Variants in NUTF2 observed in about 807,000 individuals in gnomAD.
NUTF2 encodes the protein nuclear transport factor 2.
NUTF2 carries 3 observed loss-of-function variants against 18.5 expected under a neutral mutation model. That is an observed-to-expected ratio of 0.16 (90% CI 0.07 to 0.42). The LOEUF is 0.42. Among genes scored for constraint, NUTF2 ranks in the 10% least tolerant of loss-of-function variants. NUTF2 has a pLI of 0.99. For synonymous variants in NUTF2, 51 were observed against 57.9 expected (o/e 0.88, Z 0.54); for missense variants, 44 against 160.7 (o/e 0.27, Z 3.93).
At chr16:67,850,126 T>C (rs1485905501) in intron 1 of NUTF2, among the ~76,000 whole-genome samples, 2 of 151,948 alleles carry the variant, frequency 1.3e-5, no homozygotes, top group Non-Finnish European at 2.9e-5. Context: ...AAAGATACTT[T>C]TCCTTCTCCA....
chr16:67,856,886 C>T (rs530950459), intron 1 of NUTF2, among the ~76,000 whole-genome samples: 29 of 152,314 alleles, frequency 1.9e-4, no homozygotes, highest in Admixed American at 1.7e-3. Context: ...TCTTTCTTAA[C>T]CTCTTGGAGT....
chr16:67,856,931 T>A (rs2057902021), intron 1 of NUTF2, among the ~76,000 whole-genome samples: 1 of 152,246 alleles, frequency 6.6e-6, no homozygotes. Context: ...AAGATAATCA[T>A]ACCAGCTTCA....
chr16:67,863,235 C>T (rs376270296), intron 1 of NUTF2, among the ~76,000 whole-genome samples: 31 of 152,312 alleles, frequency 2.0e-4, no homozygotes, highest in African/African-American at 7.0e-4. Context: ...TGAACTAGGA[C>T]ACACCTTGTG....
At chr16:67,855,037 A>T (rs2057885817) in intron 1 of NUTF2, among the ~76,000 whole-genome samples, 2 of 150,438 alleles carry the variant, frequency 1.3e-5, no homozygotes, top group Non-Finnish European at 3.0e-5. Context: ...TAATGTTTTG[A>T]TAGGGCATTT....
chr16:67,870,673 TGGGATTTGA>T (rs2058005155), intron 4 of NUTF2, 118 bp from the exon 5 acceptor site: 1 of 752,940 alleles, frequency 1.3e-6, no homozygotes, highest in Non-Finnish European at 2.4e-6. Flanking sequence ...TTGGCTACAC[TGGGATTTGA>T]GTTCAGGACA....
chr16:67,858,340 G>A (rs1204209621), intron 1 of NUTF2, among the ~76,000 whole-genome samples: 1 of 151,934 alleles, frequency 6.6e-6, no homozygotes, highest in Non-Finnish European at 1.5e-5. Flanking sequence ...GCTAGTTTTT[G>A]TATTTTTAGT....
chr16:67,852,567 AG>A (rs1413487581), intron 1 of NUTF2, among the ~76,000 whole-genome samples: 1 of 152,186 alleles, frequency 6.6e-6, no homozygotes, highest in Admixed American at 6.6e-5. Context: ...CATGTTGGCC[AG>A]GCTGGTCTCA....
At position 67,850,208 on chromosome 16, in the gene NUTF2, C is replaced by CT. The variant is rs1257563525; in HGVS notation, c.-30+3237dup. Among the ~76,000 whole-genome samples, 1,417 of 144,244 alleles carry CT rather than the reference C, an allele frequency of 9.8e-3. 9 individuals carry two copies. Among genetic ancestry groups the CT allele is most frequent in the Middle Eastern group, 0.018 (5 of 280 alleles). 94.6% of individuals were successfully genotyped at this position (144,244 alleles called of 152,430 possible). A position where few individuals can be genotyped will look rare whatever the true frequency, so the allele number is the denominator to read the frequency against. ...AACCTCTAGAAGTTCCCTGTAACTTCTTTTTTTTTTTTTTGAGATGGAGTC... is the reference window on the plus strand; with the variant it reads ...AACCTCTAGAAGTTCCCTGTAACTTCTTTTTTTTTTTTTTTGAGATGGAGTC... On this transcript the variant is annotated intron_variant, in intron 1 of 4. Transcript: ENST00000219169.
intron 1 of NUTF2, among the ~76,000 whole-genome samples, chr16:67,864,514 A>G (rs2057956535): frequency 7.4e-6 from 1 of 135,406 alleles, no homozygotes; most frequent in South Asian, 2.2e-4. Context: ...TGTCTCAAAA[A>G]AAAAAAAAAA....
intron 1 of NUTF2, chr16:67,856,074 C>A (rs945533773): frequency 3.1e-6 from 2 of 641,830 alleles, no homozygotes; most frequent in East Asian, 2.7e-5. Flanking sequence ...CCAATCTGGA[C>A]GTCCCTGAAG....
At chr16:67,867,832 C>T (rs1250780010) in intron 2 of NUTF2, among the ~76,000 whole-genome samples, 2 of 152,174 alleles carry the variant, frequency 1.3e-5, no homozygotes, top group African/African-American at 2.4e-5. Context: ...GGATTACAGG[C>T]GTGCGCCACC....
At position 67,852,162 on chromosome 16, in the gene NUTF2, AT is replaced by A. The variant is rs570037834; in HGVS notation, c.-30+5178del. ...CAATACCCATTTCTACAAAAGAAAA[AT>A]AAAAAAATAGCCAGTGTGGTTGTGG... On this transcript the variant is annotated intron_variant, in intron 1 of 4. Coordinates refer to ENST00000219169, the MANE Select transcript of NUTF2 (RefSeq NM_005796.3). Among the ~76,000 whole-genome samples the A allele has an allele frequency of 1.6e-4, 25 of 152,220 alleles. No individual in the cohort carries two copies. In the South Asian group the frequency reaches 4.6e-3, roughly 28 times the overall value.
chr16:67,858,430 G>C (rs1471298603), intron 1 of NUTF2, among the ~76,000 whole-genome samples: 1 of 152,170 alleles, frequency 6.6e-6, no homozygotes, highest in Non-Finnish European at 1.5e-5. Flanking sequence ...GCCTCCCAAA[G>C]TGCTGGGATT....
Position 67,872,108 on chromosome 16 carries a change from A to G in NUTF2, c.*1195A>G, listed in dbSNP as rs1394253938. On this transcript the variant is annotated 3_prime_UTR_variant, in exon 5 of 5. Coordinates refer to ENST00000219169, the MANE Select transcript of NUTF2 (RefSeq NM_005796.3). Reference sequence around the variant, plus strand: ...CAGTTTCTGCTTCTCCATTTTGGGGACAAAGGCCTTGCCCAGTACAAATCT... The same window carrying G: ...CAGTTTCTGCTTCTCCATTTTGGGGGCAAAGGCCTTGCCCAGTACAAATCT... 2 of 152,224 alleles carry G rather than the reference A, an allele frequency of 1.3e-5. No individual in the cohort carries two copies. The highest frequency in any genetic ancestry group is 2.9e-5 in the Non-Finnish European group (2 of 68,078). 9.4% of individuals were successfully genotyped at this position (152,224 alleles called of 1,614,324 possible). A position where few individuals can be genotyped will look rare whatever the true frequency, so the allele number is the denominator to read the frequency against.
At chr16:67,856,008 C>T (rs1380470182) in intron 1 of NUTF2, 4 of 1,157,590 alleles carry the variant, frequency 3.5e-6, no homozygotes, top group East Asian at 2.4e-5. Flanking sequence ...ACCTTGAGCA[C>T]GTTGAAGCGT....
intron 1 of NUTF2, among the ~76,000 whole-genome samples, chr16:67,864,232 T>C (rs1357909083): frequency 6.6e-6 from 1 of 152,126 alleles, no homozygotes; most frequent in Admixed American, 6.6e-5. Context: ...GGCCCTTGGC[T>C]GGGTACAGTG....
At chr16:67,860,351 T>C (rs2057927237) in intron 1 of NUTF2, among the ~76,000 whole-genome samples, 1 of 152,174 alleles carries the variant, frequency 6.6e-6, no homozygotes, top group Admixed American at 6.6e-5. Context: ...CACAGCTCAC[T>C]GTAGCCTGGA....
chr16:67,855,676 G>T (rs2057890830), intron 1 of NUTF2, among the ~76,000 whole-genome samples: 1 of 152,168 alleles, frequency 6.6e-6, no homozygotes, highest in Non-Finnish European at 1.5e-5. Flanking sequence ...GCTGCCCCAG[G>T]AAAGAGCTCT....
chr16:67,871,048 C>T lies in NUTF2; in HGVS notation c.*135C>T. The T allele has an allele frequency of 1.6e-6, 1 of 638,624 alleles. No individual in the cohort carries two copies. The highest frequency in any genetic ancestry group is 2.9e-5 in the Admixed American group (1 of 34,238). 39.6% of individuals were successfully genotyped at this position (638,624 alleles called of 1,614,324 possible). ...TGGGAGTGGGCGCAGTGCGCTGCTG[C>T]CACTGAGGTGTTGTGCATGATGTTT... On this transcript the variant is annotated 3_prime_UTR_variant, in exon 5 of 5. Transcript: ENST00000219169.
Sources: gnomAD v4.1 joint callset for allele counts (sites outside exome capture counted in the v4.1 genomes callset) on GRCh38, gnomAD v4.1.1 for gene constraint, MANE v1.5 for transcripts, NCBI Gene and HGNC (gene_info 2026-07-23, HGNC 2026-07-21) for gene names.